HEMK2: variants seen among roughly 807,000 people sequenced by gnomAD.
The protein encoded by HEMK2 is HemK methyltransferase 2, ETF1 glutamine and histone H4 lysine.
the HEMK2 span, among the ~76,000 whole-genome samples, chr21:28,732,866 T>C: frequency 1.3e-5 from 2 of 152,300 alleles, no homozygotes; most frequent in African/African-American, 4.8e-5. Context: ...ATCCTCTGTC[T>C]GCCTCTAGAT....
At chr21:28,684,132 A>G in the HEMK2 span, among the ~76,000 whole-genome samples, 2 of 152,198 alleles carry the variant, frequency 1.3e-5, no homozygotes, top group African/African-American at 2.4e-5. Context: ...GCAGACCACA[A>G]ATTTGGCAGA....
chr21:28,762,521 T>C, the HEMK2 span, among the ~76,000 whole-genome samples: 3 of 151,848 alleles, frequency 2.0e-5, no homozygotes, highest in East Asian at 3.9e-4. Context: ...CCAGAGAGAG[T>C]ATGTACTTTG....
At chr21:28,785,190 T>C in the HEMK2 span, among the ~76,000 whole-genome samples, 1 of 152,182 alleles carries the variant, frequency 6.6e-6, no homozygotes, top group African/African-American at 2.4e-5. Flanking sequence ...ACACCACCTT[T>C]AAGAACTGTA....
At chr21:28,724,380 TTAAA>T in the HEMK2 span, among the ~76,000 whole-genome samples, 1 of 152,174 alleles carries the variant, frequency 6.6e-6, no homozygotes, top group Admixed American at 6.5e-5. Flanking sequence ...AACTTTAGAG[TTAAA>T]TAATAAAGGC....
the HEMK2 span, among the ~76,000 whole-genome samples, chr21:28,692,318 A>G: frequency 1.1e-4 from 16 of 152,170 alleles, no homozygotes; most frequent in Admixed American, 9.8e-4. Flanking sequence ...AATCAGGGAC[A>G]AGAAAAGCAA....
the HEMK2 span, among the ~76,000 whole-genome samples, chr21:28,829,467 T>C: frequency 1.3e-5 from 2 of 152,188 alleles, no homozygotes; most frequent in Admixed American, 1.3e-4. Flanking sequence ...ATCCTCTTTT[T>C]GCCCTCTGAC....
chr21:28,577,158 T>C, the HEMK2 span: 3 of 152,162 alleles, frequency 2.0e-5, no homozygotes, highest in African/African-American at 4.8e-5. Context: ...CTTACCTTAA[T>C]AGAAAATAAA....
chr21:28,850,217 CTT>C, the HEMK2 span, among the ~76,000 whole-genome samples: 225 of 94,412 alleles, frequency 2.4e-3, no homozygotes, highest in African/African-American at 5.6e-3. Flanking sequence ...ATTCAGCATT[CTT>C]TTTTTTTTTT....
the HEMK2 span, among the ~76,000 whole-genome samples, chr21:28,594,406 G>A: frequency 6.6e-6 from 1 of 152,156 alleles, no homozygotes; most frequent in Admixed American, 6.5e-5. Context: ...TAATGTAGGA[G>A]ATTAACAATA....
At chr21:28,712,623 G>C in the HEMK2 span, among the ~76,000 whole-genome samples, 5 of 152,132 alleles carry the variant, frequency 3.3e-5, no homozygotes, top group Non-Finnish European at 7.4e-5. Context: ...CACCCTTGGG[G>C]GCAATAGAGA....
At chr21:28,838,597 T>C in the HEMK2 span, among the ~76,000 whole-genome samples, 2 of 149,306 alleles carry the variant, frequency 1.3e-5, no homozygotes, top group Non-Finnish European at 1.5e-5. Context: ...TGAACACAGA[T>C]GCTAAAATCC....
At chr21:28,776,792 G>C in the HEMK2 span, among the ~76,000 whole-genome samples, 2 of 152,156 alleles carry the variant, frequency 1.3e-5, no homozygotes, top group Admixed American at 1.3e-4. Flanking sequence ...CATCCAGCAC[G>C]GGAGAAGGAT....
chr21:28,604,573 T>C, the HEMK2 span, among the ~76,000 whole-genome samples: 1 of 152,144 alleles, frequency 6.6e-6, no homozygotes, highest in Non-Finnish European at 1.5e-5. Context: ...ATGTCTATTT[T>C]ATTCCACATT....
At chr21:28,805,716 T>C in the HEMK2 span, among the ~76,000 whole-genome samples, 1 of 152,154 alleles carries the variant, frequency 6.6e-6, no homozygotes, top group African/African-American at 2.4e-5. Flanking sequence ...CTACATGCTT[T>C]AAAAGTCTCT....
chr21:28,860,293 T>A, the HEMK2 span, among the ~76,000 whole-genome samples: 1 of 151,932 alleles, frequency 6.6e-6, no homozygotes, highest in Non-Finnish European at 1.5e-5. Flanking sequence ...GCCTACATCT[T>A]TCTCCCCTGC....
At chr21:28,876,542 A>G in the HEMK2 span, 11 of 1,151,772 alleles carry the variant, frequency 9.6e-6, 1 homozygote, top group South Asian at 2.9e-5. Context: ...GGTAGTGTGC[A>G]TGATCAATAA....
At chr21:28,878,324 G>A in the HEMK2 span, 9 of 1,613,266 alleles carry the variant, frequency 5.6e-6, no homozygotes, top group Non-Finnish European at 6.8e-6. Context: ...TCTATTCCGT[G>A]ACTTCCTACC....
At chr21:28,868,051 C>T in the HEMK2 span, among the ~76,000 whole-genome samples, 1 of 152,068 alleles carries the variant, frequency 6.6e-6, no homozygotes, top group African/African-American at 2.4e-5. Flanking sequence ...TCTGCAGTTC[C>T]ATTTCATCAT....
At chr21:28,768,368 CAG>C in the HEMK2 span, among the ~76,000 whole-genome samples, 1 of 152,074 alleles carries the variant, frequency 6.6e-6, no homozygotes, top group African/African-American at 2.4e-5. Flanking sequence ...CAGCCACTTG[CAG>C]AGTGTCCACT....
Sources: allele counts gnomAD v4.1 joint callset (sites outside exome capture counted in the v4.1 genomes callset), GRCh38; gene constraint gnomAD v4.1.1; transcripts MANE v1.5; gene names NCBI Gene and HGNC (gene_info 2026-07-23, HGNC 2026-07-21).